RAD51B: variants seen among roughly 807,000 people sequenced by gnomAD.
RAD51B encodes the protein RAD51 paralog B, also known as DNA repair protein RAD51 homolog 2.
Under a neutral mutation model 42.2 loss-of-function variants are expected in RAD51B, and 38 were observed. That is an observed-to-expected ratio of 0.90 (90% confidence interval 0.70 to 1.18). The LOEUF (loss-of-function observed/expected upper bound fraction) is 1.18. Among genes scored for constraint, RAD51B ranks in the 50% most tolerant of loss-of-function variants. The probability of loss-of-function intolerance (pLI) is 0.00; values close to 1 mark genes in which losing one functional copy is unlikely to be tolerated. For synonymous variants in RAD51B, 154 were observed against 145.2 expected (o/e 1.06, Z -0.43); for missense variants, 373 against 400.7 (o/e 0.93, Z 0.59).
chr14:68,023,333 T>G (rs1280908667), intron 7 of RAD51B, among the ~76,000 whole-genome samples: 3 of 152,150 alleles, frequency 2.0e-5, no homozygotes, highest in Non-Finnish European at 4.4e-5. Flanking sequence ...TCTATTATTT[T>G]TTGGTATGTC....
At chr14:67,820,910 G>T (rs975975376) in intron 1 of RAD51B, among the ~76,000 whole-genome samples, 6 of 152,192 alleles carry the variant, frequency 3.9e-5, no homozygotes, top group African/African-American at 1.4e-4. Flanking sequence ...TGAAGTAACT[G>T]CCAGGAAGGA....
chr14:67,967,891 A>C (rs2074815559), intron 7 of RAD51B, among the ~76,000 whole-genome samples: 1 of 152,034 alleles, frequency 6.6e-6, no homozygotes, highest in East Asian at 1.9e-4. Flanking sequence ...GGGGGCTCCA[A>C]ACCCATATTT....
At chr14:67,942,879 G>A (rs1566970678) in intron 7 of RAD51B, among the ~76,000 whole-genome samples, 1 of 152,082 alleles carries the variant, frequency 6.6e-6, no homozygotes, top group South Asian at 2.1e-4. Context: ...CTAAATAGGT[G>A]TTGTTTCTCT....
intron 10 of RAD51B, among the ~76,000 whole-genome samples, chr14:68,591,809 G>T (rs185113205): frequency 6.6e-6 from 1 of 152,298 alleles, no homozygotes; most frequent in East Asian, 1.9e-4. Flanking sequence ...GCCACTGGAT[G>T]TGCAGTCCTG....
chr14:68,613,458 C>CTT (rs143102666), downstream of RAD51B, among the ~76,000 whole-genome samples: 503 of 139,822 alleles, frequency 3.6e-3, 6 homozygotes, highest in East Asian at 0.02. Context: ...TTCTTTTTTT[C>CTT]TTTTTTTTTT....
In RAD51B at chr14:68,072,060, TATTTATATA is replaced by T. The variant is rs1566622731; in HGVS notation, c.756+184858_756+184866del. Among the ~76,000 whole-genome samples, 560 of 115,958 alleles carry T rather than the reference TATTTATATA, an allele frequency of 4.8e-3. 25 individuals carry two copies. Among genetic ancestry groups the T allele is most frequent in the African/African-American group, 0.024 (535 of 22,444 alleles). The allele number at this position is 115,958 out of a possible 152,430, so 76.1% of individuals were successfully genotyped here. ...TTTTATATATATATATAATTATATA[TATTTATATA>T]AATATATAAATATATATAAATATAT... On this transcript the variant is annotated intron_variant, in intron 7 of 10. Transcript: ENST00000471583.
intron 7 of RAD51B, among the ~76,000 whole-genome samples, chr14:68,260,886 T>C (rs1283838725): frequency 6.6e-6 from 1 of 152,230 alleles, no homozygotes; most frequent in Non-Finnish European, 1.5e-5. Flanking sequence ...TATTTGAAGA[T>C]ATACTTAGAT....
At chr14:68,014,152 A>G (rs928556932) in intron 7 of RAD51B, among the ~76,000 whole-genome samples, 2 of 150,788 alleles carry the variant, frequency 1.3e-5, no homozygotes, top group African/African-American at 4.9e-5. Context: ...ATATTTTATC[A>G]GGGACAAAGA....
chr14:68,059,501 GATA>G (rs2076535353), intron 7 of RAD51B, among the ~76,000 whole-genome samples: 2 of 151,982 alleles, frequency 1.3e-5, no homozygotes, highest in Non-Finnish European at 1.5e-5. Flanking sequence ...TCATTTCCTG[GATA>G]GCCCTCCATT....
intron 10 of RAD51B, among the ~76,000 whole-genome samples, chr14:68,639,362 CAGG>C (rs1892407752): frequency 6.6e-6 from 1 of 152,122 alleles, no homozygotes; most frequent in Non-Finnish European, 1.5e-5. Flanking sequence ...TCATGTTGCC[CAGG>C]AGAATATGGA....
chr14:68,205,177 G>GT (rs576919311), intron 7 of RAD51B, among the ~76,000 whole-genome samples: 290 of 152,234 alleles, frequency 1.9e-3, no homozygotes, highest in Middle Eastern at 3.4e-3. Flanking sequence ...GTTCTAAGAA[G>GT]TTAGACACTT....
intron 10 of RAD51B, among the ~76,000 whole-genome samples, chr14:68,642,564 G>A (rs1038307832): frequency 1.3e-5 from 2 of 152,030 alleles, no homozygotes; most frequent in African/African-American, 4.8e-5. Flanking sequence ...CCAGCTTTTG[G>A]TTTTATTCAT....
At chr14:67,877,044 C>T (rs781329389) in intron 5 of RAD51B, among the ~76,000 whole-genome samples, 1 of 152,036 alleles carries the variant, frequency 6.6e-6, no homozygotes, top group Non-Finnish European at 1.5e-5. Context: ...GTAAGGCAGA[C>T]AGTTTCCCCT....
At chr14:68,150,288 A>G (rs1338304393) in intron 7 of RAD51B, among the ~76,000 whole-genome samples, 1 of 152,108 alleles carries the variant, frequency 6.6e-6, no homozygotes, top group Non-Finnish European at 1.5e-5. Context: ...TGTCAGTATT[A>G]TGTTGGCTAT....
In RAD51B at chr14:68,158,006, A is replaced by G. The variant is rs1180256357; in HGVS notation, c.757-133878A>G. Among the ~76,000 whole-genome samples the G allele has an allele frequency of 2.6e-5, 4 of 152,180 alleles. No individual in the cohort carries two copies. In the South Asian group the frequency reaches 6.2e-4, roughly 24 times the overall value. On this transcript the variant is annotated intron_variant, in intron 7 of 10. Coordinates refer to ENST00000471583, the MANE Select transcript of RAD51B (RefSeq NM_133510.4). ...GCCACAGCTGGCTATTATTGAGACT[A>G]TGGAAAGAGAAAGAGCTTTTGCCCT... is the stretch of plus-strand genomic sequence containing the variant.
chr14:67,894,028 C>G (rs2043322732), intron 7 of RAD51B, among the ~76,000 whole-genome samples: 2 of 152,196 alleles, frequency 1.3e-5, no homozygotes, highest in Non-Finnish European at 2.9e-5. Context: ...CTTAGCTCCA[C>G]TATTTGCTAA....
intron 10 of RAD51B, among the ~76,000 whole-genome samples, chr14:68,538,627 C>T (rs576429182): frequency 8.0e-5 from 12 of 149,974 alleles, no homozygotes; most frequent in African/African-American, 2.7e-4. Context: ...GCTAGCACAC[C>T]GCTTTTTTTT....
chr14:68,573,014 A>G (rs1288004570), intron 10 of RAD51B, among the ~76,000 whole-genome samples: 2 of 152,118 alleles, frequency 1.3e-5, no homozygotes, highest in Non-Finnish European at 2.9e-5. Context: ...GGAGTCGGGG[A>G]ATCAAACCCA....
chr14:68,519,777 G>T (rs1886440005), intron 10 of RAD51B, among the ~76,000 whole-genome samples: 1 of 152,182 alleles, frequency 6.6e-6, no homozygotes, highest in Non-Finnish European at 1.5e-5. Flanking sequence ...GCCCAGGACA[G>T]CATTTTTCTT....
Sources: allele counts gnomAD v4.1 joint callset (sites outside exome capture counted in the v4.1 genomes callset), GRCh38; gene constraint gnomAD v4.1.1; transcripts MANE v1.5; gene names NCBI Gene and HGNC (gene_info 2026-07-23, HGNC 2026-07-21).